RBX1: variants seen among roughly 807,000 people sequenced by gnomAD.
RBX1 encodes ring-box 1.
For missense variants in RBX1, 46 were observed against 141.4 expected (o/e 0.33, Z 3.42); for synonymous variants, 48 against 47.9 (o/e 1.00, Z -0.01).
At position 40,972,457 on chromosome 22, in the gene RBX1, A is replaced by G; in HGVS notation, c.315-19A>G. 6.3e-7 allele frequency: 1 copy of G among 1,598,382 alleles called. No homozygotes were observed. Among genetic ancestry groups the G allele is most frequent in the Non-Finnish European group, 8.6e-7 (1 of 1,166,586 alleles). On this transcript the variant is annotated intron_variant, in intron 4 of 4. Transcript: ENST00000216225. ...AAATTATCTTGGAATTAATCAGAGT[A>G]ATTTACTTTGTCTTTCAGGTATGGG...
At chr22:40,958,111 C>T (rs1235997020) in intron 2 of RBX1, among the ~76,000 whole-genome samples, 2 of 151,856 alleles carry the variant, frequency 1.3e-5, no homozygotes, top group African/African-American at 2.4e-5. Flanking sequence ...TGTGAGCCAC[C>T]GCATCTAGCT....
At chr22:40,970,406 T>C (rs2058366027) in intron 4 of RBX1, among the ~76,000 whole-genome samples, 1 of 152,116 alleles carries the variant, frequency 6.6e-6, no homozygotes, top group Admixed American at 6.5e-5. Flanking sequence ...TGTCAGGTTT[T>C]CCATTTCTAA....
Position 40,972,843 on chromosome 22 carries a change from C to T in RBX1, c.*355C>T, listed in dbSNP as rs989956724. 5 of 177,308 alleles carry T rather than the reference C, an allele frequency of 2.8e-5. No individual in the cohort carries two copies. The highest frequency in any genetic ancestry group is 2.4e-3 in the Middle Eastern group (1 of 422). The allele number at this position is 177,308 out of a possible 1,614,324, so 11.0% of individuals were successfully genotyped here. On this transcript the variant is annotated 3_prime_UTR_variant, in exon 5 of 5. Coordinates refer to ENST00000216225, the MANE Select transcript of RBX1 (RefSeq NM_014248.4). Reference sequence around the variant, plus strand: ...CAACAGCTCAAGGCAGAGTGTGGATCACCGGCTCCCGAAAACAGCAGTCAG... The same window carrying T: ...CAACAGCTCAAGGCAGAGTGTGGATTACCGGCTCCCGAAAACAGCAGTCAG...
Position 40,963,494 on chromosome 22 carries a change from G to A in RBX1, c.158-553G>A, listed in dbSNP as rs562178388. ...CTACTAAAAATACAAAATTAGCCAG[G>A]CATGGTGGTGTGCGCCTGTTAATTC... is the stretch of plus-strand genomic sequence containing the variant. On this transcript the variant is annotated intron_variant, in intron 2 of 4. Coordinates refer to ENST00000216225, the MANE Select transcript of RBX1 (RefSeq NM_014248.4). Among the ~76,000 whole-genome samples the A allele has an allele frequency of 2.7e-4, 41 of 152,172 alleles. 1 individual carries two copies. In the South Asian group the frequency reaches 5.0e-3, roughly 19 times the overall value.
rs1003057418 is a variant in RBX1, at chr22:40,973,181, C to A, written c.*693C>A. 2 of 152,212 alleles carry A rather than the reference C, an allele frequency of 1.3e-5. No individual in the cohort carries two copies. Among genetic ancestry groups the A allele is most frequent in the Non-Finnish European group, 2.9e-5 (2 of 68,146 alleles). 9.4% of individuals were successfully genotyped at this position (152,212 alleles called of 1,614,324 possible). ...TTGGTTTCATGGAAGACGATTTTTC[C>A]ATGGACCGGGGGTGGGGCGGGGGTG... On this transcript the variant is annotated 3_prime_UTR_variant, in exon 5 of 5. Transcript: ENST00000216225.
chr22:40,954,644 G>T (rs777715387), intron 2 of RBX1, among the ~76,000 whole-genome samples: 18 of 151,846 alleles, frequency 1.2e-4, no homozygotes, highest in Non-Finnish European at 2.2e-4. Context: ...TTCTAGAAAT[G>T]GAATTATAGG....
intron 4 of RBX1, 55 bp from the exon 5 acceptor site, chr22:40,972,421 T>C (rs2058371551): frequency 6.8e-7 from 1 of 1,476,536 alleles, no homozygotes; most frequent in South Asian, 1.1e-5. Flanking sequence ...AGGTTTTATG[T>C]CTCAAACAGG....
At chr22:40,951,586 C>G (rs568369315) in intron 1 of RBX1, 110 bp downstream of exon 1, 2 of 1,034,808 alleles carry the variant, frequency 1.9e-6, no homozygotes, top group African/African-American at 1.6e-5. Flanking sequence ...CAGGGCGTTC[C>G]TGGGACCGGG....
chr22:40,957,552 C>A (rs2058329013), intron 2 of RBX1, among the ~76,000 whole-genome samples: 1 of 152,090 alleles, frequency 6.6e-6, no homozygotes, highest in Non-Finnish European at 1.5e-5. Flanking sequence ...GTGGGAAGAT[C>A]CCTTGAGCCC....
At chr22:40,953,484 G>T in intron 1 of RBX1, 71 bp from the exon 2 acceptor site, 1 of 1,023,122 alleles carries the variant, frequency 9.8e-7, no homozygotes, top group South Asian at 1.3e-5. Context: ...TGCAGCTGCA[G>T]CCTGAGGTCC....
chr22:40,965,427 T>TG (rs1338539340), intron 3 of RBX1, among the ~76,000 whole-genome samples: 4 of 152,038 alleles, frequency 2.6e-5, no homozygotes, highest in African/African-American at 7.2e-5. Flanking sequence ...TTTTTGTTTT[T>TG]TTTTTTGTTT....
chr22:40,951,614 G>T (rs1320872666), intron 1 of RBX1, 138 bp downstream of exon 1: 1 of 778,362 alleles, frequency 1.3e-6, no homozygotes, highest in Non-Finnish European at 2.0e-6. Flanking sequence ...AAAGGAAGCC[G>T]GGGGGCGGGT....
chr22:40,966,723 C>T (rs2146302826), intron 3 of RBX1: 1 of 152,304 alleles, frequency 6.6e-6, no homozygotes, highest in Admixed American at 6.5e-5. Flanking sequence ...TCCATACATA[C>T]TTTGGGAGAC....
chr22:40,968,332 C>G (rs772292012), intron 4 of RBX1, among the ~76,000 whole-genome samples: 4 of 152,102 alleles, frequency 2.6e-5, no homozygotes, highest in Non-Finnish European at 4.4e-5. Context: ...CTCAACTGAT[C>G]TGCCTGCCTC....
intron 2 of RBX1, among the ~76,000 whole-genome samples, chr22:40,963,658 AG>A (rs967936412): frequency 1.1e-4 from 17 of 152,066 alleles, no homozygotes; most frequent in Admixed American, 2.0e-4. Flanking sequence ...AACTCAGTCT[AG>A]GCAACATGGT....
chr22:40,970,904 G>T (rs898893916), intron 4 of RBX1, among the ~76,000 whole-genome samples: 1 of 152,166 alleles, frequency 6.6e-6, no homozygotes, highest in Non-Finnish European at 1.5e-5. Context: ...CTCAGTATCT[G>T]AGTGGTACTG....
At chr22:40,968,622 A>G (rs555605628) in intron 4 of RBX1, among the ~76,000 whole-genome samples, 7 of 152,292 alleles carry the variant, frequency 4.6e-5, no homozygotes, top group African/African-American at 1.4e-4. Context: ...TAAATAAAAC[A>G]TGACCTGGTA....
chr22:40,964,160 T>C (rs1348771609), intron 3 of RBX1, 43 bp downstream of exon 3: 5 of 1,433,072 alleles, frequency 3.5e-6, no homozygotes, highest in Non-Finnish European at 4.9e-6. Context: ...TGTAAACATA[T>C]TTCCACTTTT....
At chr22:40,968,019 TATC>T in intron 4 of RBX1, 135 bp downstream of exon 4, 1 of 567,478 alleles carries the variant, frequency 1.8e-6, no homozygotes, top group East Asian at 2.9e-5. Context: ...AGCTAGGACT[TATC>T]TATATGGAAA....
Sources: gnomAD v4.1 joint callset for allele counts (sites outside exome capture counted in the v4.1 genomes callset) on GRCh38, gnomAD v4.1.1 for gene constraint, MANE v1.5 for transcripts, NCBI Gene and HGNC (gene_info 2026-07-23, HGNC 2026-07-21) for gene names.